KIAA0825: variants seen among roughly 807,000 people sequenced by gnomAD.
KIAA0825 encodes the protein KIAA0825, also known as uncharacterized protein KIAA0825.
In KIAA0825, 119 loss-of-function variants were observed where a neutral mutation model predicts 147.6. That is an observed-to-expected ratio of 0.81 (90% CI 0.69 to 0.94). The LOEUF is 0.94. KIAA0825 is among the 40% of genes least tolerant of loss of function. The probability of loss-of-function intolerance (pLI) is 0.00; values close to 1 mark genes in which losing one functional copy is unlikely to be tolerated. For synonymous variants in KIAA0825, 470 were observed against 518.1 expected (o/e 0.91, Z 1.26); for missense variants, 1,381 against 1,472.7 (o/e 0.94, Z 1.02).
At chr5:94,509,070 T>G (rs1394877619) in intron 5 of KIAA0825, among the ~76,000 whole-genome samples, 8 of 152,102 alleles carry the variant, frequency 5.3e-5, no homozygotes, top group African/African-American at 1.9e-4. Flanking sequence ...AGCAGGGGGG[T>G]CTGACTTGAA....
intron 20 of KIAA0825, among the ~76,000 whole-genome samples, chr5:94,332,213 CT>C (rs1215241463): frequency 2.1e-5 from 3 of 144,124 alleles, no homozygotes; most frequent in Admixed American, 1.4e-4. Flanking sequence ...AATTTTCTTT[CT>C]TTTCTTTTCT....
chr5:94,469,293 C>T (rs1260510172), intron 10 of KIAA0825, among the ~76,000 whole-genome samples: 1 of 151,954 alleles, frequency 6.6e-6, no homozygotes. Flanking sequence ...GCCTCAGCCT[C>T]CTGAGTAGCT....
At chr5:94,482,952 T>C (rs1008233040) in intron 6 of KIAA0825, among the ~76,000 whole-genome samples, 8 of 152,032 alleles carry the variant, frequency 5.3e-5, no homozygotes, top group African/African-American at 1.9e-4. Flanking sequence ...GCTTATAAGA[T>C]GACACATTTG....
At position 94,329,749 on chromosome 5, in the gene KIAA0825, C is replaced by T. The variant is rs550811224; in HGVS notation, c.3710+54619G>A. 2.6e-5 allele frequency among the ~76,000 whole-genome samples: 4 copies of T among 152,178 alleles called. No homozygotes were observed. The East Asian group carries it at 7.7e-4, about 29-fold the overall frequency. On this transcript the variant is annotated intron_variant, in intron 20 of 20. Coordinates refer to ENST00000682413, the MANE Select transcript of KIAA0825 (RefSeq NM_001145678.3). ...GAGTTCCTTAATTTTTTCCCTCCCC[C>T]CCTTTTTTTATTTTGCCCTACAGTA...
chr5:94,314,403 G>T (rs991679324), intron 20 of KIAA0825, among the ~76,000 whole-genome samples: 1 of 151,682 alleles, frequency 6.6e-6, no homozygotes, highest in East Asian at 1.9e-4. Context: ...AATGCATGGA[G>T]TTTAGAGGTA....
At chr5:94,380,074 C>T (rs905825860) in intron 20 of KIAA0825, among the ~76,000 whole-genome samples, 1 of 151,784 alleles carries the variant, frequency 6.6e-6, no homozygotes, top group Non-Finnish European at 1.5e-5. Context: ...AGGATGGTCT[C>T]GATCTCCTGA....
chr5:94,518,134 C>A (rs1767555836), intron 5 of KIAA0825, among the ~76,000 whole-genome samples: 1 of 152,118 alleles, frequency 6.6e-6, no homozygotes. Context: ...CATAAAGATA[C>A]AGACATAGAT....
intron 3 of KIAA0825, among the ~76,000 whole-genome samples, chr5:94,525,261 C>T (rs543766260): frequency 6.6e-5 from 10 of 151,874 alleles, no homozygotes; most frequent in African/African-American, 1.2e-4. Flanking sequence ...AGAAACCAAG[C>T]GCTCATTATT....
chr5:94,523,438 C>T (rs1424707774), intron 4 of KIAA0825, among the ~76,000 whole-genome samples: 1 of 151,578 alleles, frequency 6.6e-6, no homozygotes, highest in African/African-American at 2.4e-5. Flanking sequence ...GGTGGTCTTG[C>T]ATAAATTGCT....
At chr5:94,485,020 A>G (rs890372925) in intron 5 of KIAA0825, 90 bp from the exon 6 acceptor site, 1 of 897,204 alleles carries the variant, frequency 1.1e-6, no homozygotes, top group Non-Finnish European at 1.5e-6. Context: ...TAAACCATAT[A>G]AAAACTAACA....
intron 20 of KIAA0825, among the ~76,000 whole-genome samples, chr5:94,363,612 G>A (rs1745381187): frequency 6.6e-6 from 1 of 152,188 alleles, no homozygotes. Flanking sequence ...GGGACCAGGT[G>A]TGGTAGCTTA....
intron 20 of KIAA0825, among the ~76,000 whole-genome samples, chr5:94,262,435 A>T (rs72771635): frequency 1.3e-5 from 2 of 152,286 alleles, no homozygotes; most frequent in Non-Finnish European, 2.9e-5. Context: ...AGGCTTTTAC[A>T]CTTACAGAAA....
chr5:94,160,392 AATACAGTAATATATGT>A (rs1332820447), intron 20 of KIAA0825, among the ~76,000 whole-genome samples: 1 of 150,386 alleles, frequency 6.6e-6, no homozygotes, highest in Non-Finnish European at 1.5e-5. Context: ...TACATATATG[AATACAGTAATATATGT>A]ATACAGTATA....
intron 20 of KIAA0825, among the ~76,000 whole-genome samples, chr5:94,191,584 A>G (rs544048098): frequency 2.0e-5 from 3 of 152,350 alleles, no homozygotes; most frequent in African/African-American, 7.2e-5. Flanking sequence ...TTAAGTTTCT[A>G]TAACTAACCT....
chr5:94,589,141 G>T (rs1285246588), intron 1 of KIAA0825, among the ~76,000 whole-genome samples: 1 of 152,074 alleles, frequency 6.6e-6, no homozygotes, highest in African/African-American at 2.4e-5. Context: ...ATGTACCCTA[G>T]AACTTAGAGT....
At chr5:94,441,281 G>A (rs35346788) in intron 13 of KIAA0825, among the ~76,000 whole-genome samples, 2,464 of 152,162 alleles carry the variant, frequency 0.016, 46 homozygotes, top group Non-Finnish European at 0.021. Context: ...CGGGGAGCGG[G>A]GGACAGGGCA....
chr5:94,365,805 T>C (rs1037857726), intron 20 of KIAA0825, among the ~76,000 whole-genome samples: 2 of 152,206 alleles, frequency 1.3e-5, no homozygotes, highest in East Asian at 1.9e-4. Context: ...ACTAACAAAT[T>C]AGCTAGAAGA....
At chr5:94,547,560 A>AC (rs1475285486) in intron 2 of KIAA0825, among the ~76,000 whole-genome samples, 1 of 151,932 alleles carries the variant, frequency 6.6e-6, no homozygotes, top group East Asian at 1.9e-4. Flanking sequence ...ACATGGTGAA[A>AC]CCCCGTCTCT....
intron 2 of KIAA0825, among the ~76,000 whole-genome samples, chr5:94,549,464 C>T (rs1446829010): frequency 2.6e-5 from 4 of 152,196 alleles, no homozygotes; most frequent in African/African-American, 9.7e-5. Context: ...GTAATTCCAG[C>T]ACTTTGAGAG....
Sources: allele counts gnomAD v4.1 joint callset (sites outside exome capture counted in the v4.1 genomes callset), GRCh38; gene constraint gnomAD v4.1.1; transcripts MANE v1.5; gene names NCBI Gene and HGNC (gene_info 2026-07-23, HGNC 2026-07-21).